Variants in NDST4 observed in about 807,000 individuals in gnomAD.
NDST4 encodes N-heparan sulfate sulfotransferase 4.
A neutral mutation model predicts 100.8 loss-of-function variants in NDST4; 63 were observed. The ratio of observed to expected loss-of-function variants is 0.62; its 90% CI spans 0.51 to 0.77. NDST4 has a LOEUF of 0.77. Among genes scored for constraint, NDST4 ranks in the 30% least tolerant of loss-of-function variants. The pLI is 0.00. For synonymous variants in NDST4, 377 were observed against 361.8 expected (o/e 1.04, Z -0.48); for missense variants, 943 against 1,018.4 (o/e 0.93, Z 1.01).
At chr4:115,080,791 C>T (rs1729286630) in intron 1 of NDST4, among the ~76,000 whole-genome samples, 1 of 152,102 alleles carries the variant, frequency 6.6e-6, no homozygotes, top group Admixed American at 6.5e-5. Context: ...TCCAAGCTCA[C>T]ATATTTAATT....
chr4:114,975,953 C>A (rs549641528), intron 3 of NDST4, among the ~76,000 whole-genome samples: 5 of 152,172 alleles, frequency 3.3e-5, no homozygotes, highest in Non-Finnish European at 7.4e-5. Context: ...TGACCCAAAT[C>A]TCTTTCTGCA....
chr4:114,959,894 C>CTT (rs894549717), intron 4 of NDST4, among the ~76,000 whole-genome samples: 72 of 152,232 alleles, frequency 4.7e-4, no homozygotes, highest in African/African-American at 1.7e-3. Flanking sequence ...TTCCTAAAAA[C>CTT]TTTGCAAATT....
intron 2 of NDST4, among the ~76,000 whole-genome samples, chr4:115,030,170 A>ATAGGTTTGTGAAAATATAT (rs1728085024): frequency 6.6e-6 from 1 of 152,154 alleles, no homozygotes; most frequent in Non-Finnish European, 1.5e-5. Flanking sequence ...AACAGAAACA[A>ATAGGTTTGTGAAAATATAT]TAGGTTTGTG....
chr4:115,090,865 A>G (rs544713688), intron 1 of NDST4, among the ~76,000 whole-genome samples: 47 of 152,230 alleles, frequency 3.1e-4, no homozygotes, highest in African/African-American at 1.0e-3. Context: ...ATGTTAAAAT[A>G]CTAATTTTGC....
chr4:115,046,568 A>C (rs1390678261), intron 2 of NDST4, among the ~76,000 whole-genome samples: 1 of 152,102 alleles, frequency 6.6e-6, no homozygotes, highest in African/African-American at 2.4e-5. Flanking sequence ...GCCTCCTTTA[A>C]TCATTAATCA....
chr4:114,961,301 A>G (rs575881542), intron 4 of NDST4, among the ~76,000 whole-genome samples: 53 of 152,218 alleles, frequency 3.5e-4, no homozygotes, highest in African/African-American at 1.3e-3. Context: ...ACATTGAAAA[A>G]AAGCGTATTA....
At chr4:114,832,699 G>T (rs1356549005) in intron 12 of NDST4, among the ~76,000 whole-genome samples, 2 of 152,052 alleles carry the variant, frequency 1.3e-5, no homozygotes, top group African/African-American at 4.8e-5. Context: ...AGTGACTATT[G>T]TAACAAGTAG....
At chr4:115,085,280 C>G (rs531931418) in intron 1 of NDST4, among the ~76,000 whole-genome samples, 1 of 152,278 alleles carries the variant, frequency 6.6e-6, no homozygotes, top group South Asian at 2.1e-4. Context: ...AAGTACTTAA[C>G]TTACTTTTGA....
intron 6 of NDST4, among the ~76,000 whole-genome samples, chr4:114,934,375 C>T (rs919080454): frequency 6.6e-6 from 1 of 151,802 alleles, no homozygotes; most frequent in Non-Finnish European, 1.5e-5. Flanking sequence ...TACGGTTAAA[C>T]CCTGTCTCTT....
chr4:114,926,349 C>G (rs1161591624), intron 6 of NDST4, among the ~76,000 whole-genome samples: 2 of 151,934 alleles, frequency 1.3e-5, no homozygotes, highest in African/African-American at 4.8e-5. Context: ...CCAGGGAAAT[C>G]AAGAAACCCC....
At chr4:114,867,202 C>T (rs1244944387) in intron 7 of NDST4, among the ~76,000 whole-genome samples, 2 of 152,100 alleles carry the variant, frequency 1.3e-5, no homozygotes, top group African/African-American at 2.4e-5. Flanking sequence ...TGTCAGTATT[C>T]CTTCATTCCT....
At chr4:114,874,314 G>A (rs1284064615) in intron 6 of NDST4, among the ~76,000 whole-genome samples, 1 of 152,024 alleles carries the variant, frequency 6.6e-6, no homozygotes, top group Non-Finnish European at 1.5e-5. Flanking sequence ...AGGAGGATAA[G>A]CTTTGTTTGA....
chr4:114,877,827 C>T (rs1481422348), intron 6 of NDST4, among the ~76,000 whole-genome samples: 1 of 152,030 alleles, frequency 6.6e-6, no homozygotes, highest in Non-Finnish European at 1.5e-5. Context: ...TAGCTCCTGC[C>T]TGTATTCCCA....
At chr4:114,909,524 G>C (rs946022408) in intron 6 of NDST4, among the ~76,000 whole-genome samples, 17 of 151,030 alleles carry the variant, frequency 1.1e-4, no homozygotes, top group Non-Finnish European at 1.9e-4. Context: ...GCCGGGCGCG[G>C]TGGCGGGCGC....
intron 2 of NDST4, among the ~76,000 whole-genome samples, chr4:115,071,198 A>G (rs1158957062): frequency 3.9e-5 from 6 of 152,038 alleles, no homozygotes; most frequent in African/African-American, 1.4e-4. Context: ...CTTTGCCTTA[A>G]AAGTATTTAC....
At chr4:114,954,705 A>C (rs995531494) in intron 4 of NDST4, among the ~76,000 whole-genome samples, 4 of 152,126 alleles carry the variant, frequency 2.6e-5, no homozygotes, top group Non-Finnish European at 5.9e-5. Context: ...TGGTGATATC[A>C]TTTGGATCTG....
intron 2 of NDST4, among the ~76,000 whole-genome samples, chr4:115,064,974 A>G (rs550019): frequency 0.24 from 36,660 of 151,982 alleles, 5,908 homozygotes; most frequent in East Asian, 0.46. Context: ...TTATGAGACC[A>G]TAAATCAAAC....
At chr4:114,973,544 T>C (rs2126242254) in intron 3 of NDST4, among the ~76,000 whole-genome samples, 1 of 152,050 alleles carries the variant, frequency 6.6e-6, no homozygotes, top group South Asian at 2.1e-4. Context: ...ATTTTTTTTT[T>C]ACATTTCCTA....
At chr4:115,062,444 T>C (rs147373035) in intron 2 of NDST4, among the ~76,000 whole-genome samples, 1 of 151,928 alleles carries the variant, frequency 6.6e-6, no homozygotes, top group East Asian at 1.9e-4. Flanking sequence ...TGACAAAATA[T>C]ACACACGAAA....
Sources: allele counts gnomAD v4.1 joint callset (sites outside exome capture counted in the v4.1 genomes callset), GRCh38; gene constraint gnomAD v4.1.1; transcripts MANE v1.5; gene names NCBI Gene and HGNC (gene_info 2026-07-23, HGNC 2026-07-21).